The following VSTM4 variants were observed in gnomAD, a reference collection of about 807,000 sequenced individuals.
The protein encoded by VSTM4 is V-set and transmembrane domain containing 4.
VSTM4 carries 20 observed loss-of-function variants against 36.4 expected under a neutral mutation model. The observed-to-expected ratio is 0.55, with a 90% CI of 0.39 to 0.80. The LOEUF (loss-of-function observed/expected upper bound fraction) is 0.80, where lower values mean the gene tolerates loss of function less well. Ranked by LOEUF, VSTM4 falls within the 30% of genes least tolerant of loss-of-function variation. The probability of loss-of-function intolerance (pLI) is 0.00; values close to 1 mark genes in which losing one functional copy is unlikely to be tolerated. For synonymous variants in VSTM4, 182 were observed against 173.9 expected (o/e 1.05, Z -0.37); for missense variants, 392 against 404.5 (o/e 0.97, Z 0.26).
intron 7 of VSTM4, among the ~76,000 whole-genome samples, chr10:49,036,444 A>G (rs1843433074): frequency 6.6e-6 from 1 of 152,168 alleles, no homozygotes; most frequent in Non-Finnish European, 1.5e-5. Context: ...CGAGATTATG[A>G]ACATATTTTA....
intron 7 of VSTM4, among the ~76,000 whole-genome samples, chr10:49,020,171 C>T (rs751533276): frequency 3.9e-5 from 6 of 152,130 alleles, no homozygotes; most frequent in East Asian, 1.9e-4. Context: ...AACACTAGAA[C>T]GCCACCACTT....
At chr10:49,077,358 C>T in intron 3 of VSTM4, 32 bp from the exon 4 acceptor site, 1 of 1,604,418 alleles carries the variant, frequency 6.2e-7, no homozygotes, top group Non-Finnish European at 8.5e-7. Flanking sequence ...GTGAGTCAGC[C>T]TTCTGGGGGC....
intron 7 of VSTM4, among the ~76,000 whole-genome samples, chr10:49,021,983 C>T (rs1282469247): frequency 2.6e-5 from 4 of 152,272 alleles, no homozygotes; most frequent in South Asian, 4.1e-4. Flanking sequence ...TCTCGGCACT[C>T]GTTCAGAAAA....
intron 1 of VSTM4, among the ~76,000 whole-genome samples, chr10:49,112,943 AT>A (rs1844924024): frequency 6.6e-6 from 1 of 152,216 alleles, no homozygotes; most frequent in Admixed American, 6.5e-5. Context: ...CAACCTACTC[AT>A]TGTGAAGTGG....
intron 7 of VSTM4, among the ~76,000 whole-genome samples, chr10:49,034,993 T>A (rs887346337): frequency 6.6e-6 from 1 of 152,162 alleles, no homozygotes; most frequent in Non-Finnish European, 1.5e-5. Context: ...CGGCAGCAAA[T>A]CAGCCACGCT....
chr10:49,066,552 T>C (rs1184660230), intron 4 of VSTM4, among the ~76,000 whole-genome samples: 1 of 152,188 alleles, frequency 6.6e-6, no homozygotes, highest in Non-Finnish European at 1.5e-5. Flanking sequence ...TCTGTTTATA[T>C]TGAAGTATTT....
chr10:49,099,714 C>T (rs1312025273), intron 2 of VSTM4, among the ~76,000 whole-genome samples: 2 of 152,172 alleles, frequency 1.3e-5, no homozygotes, highest in Non-Finnish European at 2.9e-5. Context: ...TTCCTTTTAC[C>T]ATTGGGTAAT....
chr10:49,048,238 C>T (rs1347203408), intron 6 of VSTM4, among the ~76,000 whole-genome samples: 1 of 152,212 alleles, frequency 6.6e-6, no homozygotes, highest in Non-Finnish European at 1.5e-5. Context: ...TAAAGCTATG[C>T]TAGGCCCTTG....
chr10:49,115,019 GAA>G lies in VSTM4; in HGVS notation c.55+410_55+411del, dbSNP rs1844965796. ...TGACTTGTCTTCGGAGTAACTCTCC[GAA>G]GAGAGTGAAAGGGAAGTTGCTGCTC... is the stretch of plus-strand genomic sequence containing the variant. On this transcript the variant is annotated intron_variant, in intron 1 of 7. Transcript: ENST00000332853. 2.0e-5 allele frequency among the ~76,000 whole-genome samples: 3 copies of G among 152,274 alleles called. No homozygotes were observed. The South Asian group carries it at 6.2e-4, about 32-fold the overall frequency.
chr10:49,111,460 C>G (rs1198201571), intron 1 of VSTM4, among the ~76,000 whole-genome samples: 1 of 152,196 alleles, frequency 6.6e-6, no homozygotes, highest in Non-Finnish European at 1.5e-5. Flanking sequence ...CCCAGCTTGT[C>G]AGAGGGGCAG....
intron 3 of VSTM4, among the ~76,000 whole-genome samples, chr10:49,081,520 T>A (rs981589801): frequency 2.0e-5 from 3 of 152,292 alleles, no homozygotes; most frequent in Admixed American, 2.0e-4. Flanking sequence ...TAGGCATCTC[T>A]CCCCAAGTGT....
At position 49,088,625 on chromosome 10, in the gene VSTM4, G is replaced by A. The variant is rs1169900109; in HGVS notation, c.458-2602C>T. Among the ~76,000 whole-genome samples, 4 of 152,352 alleles carry A rather than the reference G, an allele frequency of 2.6e-5. No homozygotes were observed. The East Asian group carries it at 7.7e-4, about 29-fold the overall frequency. On this transcript the variant is annotated intron_variant, in intron 2 of 7. Coordinates refer to ENST00000332853, the MANE Select transcript of VSTM4 (RefSeq NM_001031746.5). ...AACCTGCATAGCAGAGGGAAGATGA[G>A]AGGCCAAAGCTTGATGGCACTCTGG...
intron 7 of VSTM4, among the ~76,000 whole-genome samples, chr10:49,026,970 A>C (rs1026548981): frequency 2.0e-5 from 3 of 152,146 alleles, no homozygotes; most frequent in African/African-American, 7.2e-5. Flanking sequence ...ACAGGGGAGT[A>C]CAGGTTTCTG....
At chr10:49,042,620 T>C (rs1843538619) in intron 7 of VSTM4, among the ~76,000 whole-genome samples, 1 of 152,216 alleles carries the variant, frequency 6.6e-6, no homozygotes, top group African/African-American at 2.4e-5. Context: ...CATCTCTCAC[T>C]TTACTGACTC....
intron 7 of VSTM4, among the ~76,000 whole-genome samples, chr10:49,033,276 C>A (rs182089032): frequency 7.6e-4 from 116 of 152,274 alleles, no homozygotes; most frequent in African/African-American, 2.6e-3. Context: ...AATGAGAAAA[C>A]AATTCAACCT....
intron 2 of VSTM4, among the ~76,000 whole-genome samples, chr10:49,096,272 G>A (rs1383471982): frequency 6.6e-6 from 1 of 152,066 alleles, no homozygotes; most frequent in African/African-American, 2.4e-5. Context: ...CACACTTTGG[G>A]GTTAAACAGT....
chr10:49,052,980 C>T (rs1051523808), intron 5 of VSTM4, among the ~76,000 whole-genome samples: 4 of 152,204 alleles, frequency 2.6e-5, no homozygotes, highest in Non-Finnish European at 5.9e-5. Flanking sequence ...TCTTGTTTCT[C>T]CCCTTGAGCC....
At position 49,107,806 on chromosome 10, in the gene VSTM4, C is replaced by A; in HGVS notation, c.245G>T (p.Arg82Leu). The change falls in exon 2 of 8, where the codon CGG becomes CTG. Residue 82 changes from arginine to leucine, a missense_variant. Arg to Leu is a moderately radical substitution (Grantham distance 102). Transcript: ENST00000332853. ...EALMVKMTKLRVVQYYGNFSR... is the reference protein window; with the variant it reads ...EALMVKMTKLLVVQYYGNFSR... ...GAAATTCCCATAGTACTGCACCACC[C>A]GGAGCTTGGTCATCTTCACCATCAA... is the stretch of plus-strand genomic sequence containing the variant. 6.2e-7 allele frequency: 1 copy of A among 1,614,252 alleles called. No homozygotes were observed.
At chr10:49,078,503 T>C (rs1844219947) in intron 3 of VSTM4, among the ~76,000 whole-genome samples, 1 of 146,538 alleles carries the variant, frequency 6.8e-6, no homozygotes, top group South Asian at 2.2e-4. Context: ...TGGATGAATC[T>C]CCAGAGAAGT....
Sources: gnomAD v4.1 joint callset for allele counts (sites outside exome capture counted in the v4.1 genomes callset) on GRCh38, gnomAD v4.1.1 for gene constraint, MANE v1.5 for transcripts, NCBI Gene and HGNC (gene_info 2026-07-23, HGNC 2026-07-21) for gene names.